Variants in EDC3 observed in about 807,000 individuals in gnomAD.
EDC3 encodes enhancer of mRNA-decapping protein 3.
EDC3 carries 20 observed loss-of-function variants against 41.8 expected under a neutral mutation model. The observed-to-expected ratio is 0.48, with a 90% CI of 0.34 to 0.70. EDC3 has a LOEUF of 0.70. Among genes scored for constraint, EDC3 ranks in the 30% least tolerant of loss-of-function variants. The pLI is 0.01. For synonymous variants in EDC3, 206 were observed against 243.2 expected (o/e 0.85, Z 1.42); for missense variants, 444 against 636.8 (o/e 0.70, Z 3.26).
chr15:74,633,490 CAT>C (rs2062237152), intron 6 of EDC3, among the ~76,000 whole-genome samples: 1 of 152,220 alleles, frequency 6.6e-6, no homozygotes, highest in Non-Finnish European at 1.5e-5. Context: ...CTCTCGTACT[CAT>C]TATCTCACAG....
At chr15:74,651,922 A>G (rs917056681) in intron 4 of EDC3, among the ~76,000 whole-genome samples, 4 of 152,248 alleles carry the variant, frequency 2.6e-5, no homozygotes, top group African/African-American at 9.6e-5. Flanking sequence ...TGCTCAGAAC[A>G]CTTACACTAG....
Position 74,640,548 on chromosome 15 carries a change from C to T in EDC3, c.892G>A (p.Gly298Arg). ...KKLLSVAEKH[G>R]LTLERRLEMT... ...TCCAGTCTCCGCTCAAGGGTCAGCC[C>T]ATGCTTCTCAGCCACGGACAACAGC... is the stretch of plus-strand genomic sequence containing the variant. The change falls in exon 5 of 7, where the codon GGG becomes AGG. Residue 298 changes from glycine to arginine, a missense_variant. Gly to Arg is a moderately radical substitution (Grantham distance 125). Around this residue, in one of 3 missense-constraint regions of EDC3, gnomAD observed 242 missense variants for 363.8 expected, o/e 0.67. Transcript: ENST00000315127. 1 of 1,614,218 alleles carries T rather than the reference C, an allele frequency of 6.2e-7. No individual in the cohort carries two copies. The highest frequency in any genetic ancestry group is 8.5e-7 in the Non-Finnish European group (1 of 1,180,032).
In EDC3 at chr15:74,671,260, A is replaced by C. The variant is rs1232561630; in HGVS notation, c.484+195T>G. On this transcript the variant is annotated intron_variant, in intron 3 of 6. Transcript: ENST00000315127. This position sits in a 1 kb window ranked among gnomAD's most constrained non-coding sequence, Gnocchi z 4.6. ...GGGCAGGAAGCTCACAGGCATCCCT[A>C]ACAGCTTATTTCCTTTCCCTTAACA... 6.6e-6 allele frequency among the ~76,000 whole-genome samples: 1 copy of C among 152,178 alleles called. No homozygotes were observed. Among genetic ancestry groups the C allele is most frequent in the Non-Finnish European group, 1.5e-5 (1 of 68,036 alleles).
At position 74,671,031 on chromosome 15, in the gene EDC3, T is replaced by G. The variant is rs183729571; in HGVS notation, c.484+424A>C. Among the ~76,000 whole-genome samples, 798 of 152,178 alleles carry G rather than the reference T, an allele frequency of 5.2e-3. 5 individuals are homozygous for G. The highest frequency in any genetic ancestry group is 0.018 in the African/African-American group (763 of 41,506). ...CAACATCAGTAACAGGATTTAAGTTTTTTTTTTTTTCTTTTTCAGAAACAG... is the reference window on the plus strand; with the variant it reads ...CAACATCAGTAACAGGATTTAAGTTGTTTTTTTTTTCTTTTTCAGAAACAG... On this transcript the variant is annotated intron_variant, in intron 3 of 6. Transcript: ENST00000315127. The surrounding 1 kb of genome is among the most constrained non-coding windows in gnomAD (Gnocchi z 4.6).
At position 74,635,780 on chromosome 15, in the gene EDC3, G is replaced by C. The variant is rs916377828; in HGVS notation, c.975-154C>G. On this transcript the variant is annotated intron_variant, in intron 5 of 6. Transcript: ENST00000315127. ...CCAGAGGGGGACAAAATCCACTGCAGGCCAGGTCTATAGGGTGGCACTCCT... is the reference window on the plus strand; with the variant it reads ...CCAGAGGGGGACAAAATCCACTGCACGCCAGGTCTATAGGGTGGCACTCCT... 9 of 691,356 alleles carry C rather than the reference G, an allele frequency of 1.3e-5. No homozygotes were observed. In the Admixed American group the frequency reaches 2.2e-4, roughly 17 times the overall value. The allele number at this position is 691,356 out of a possible 1,614,324, so 42.8% of individuals were successfully genotyped here.
intron 1 of EDC3, among the ~76,000 whole-genome samples, chr15:74,686,024 A>G (rs113250825): frequency 6.6e-6 from 1 of 151,310 alleles, no homozygotes; most frequent in Non-Finnish European, 1.5e-5. Flanking sequence ...GAAACCCCAT[A>G]TCTACTAAAA....
At chr15:74,672,474 C>T (rs1413881223) in intron 2 of EDC3, among the ~76,000 whole-genome samples, 5 of 152,108 alleles carry the variant, frequency 3.3e-5, no homozygotes, top group Non-Finnish European at 7.4e-5. Context: ...TACGTGCCCA[C>T]AGGAACTCAG....
intron 4 of EDC3, among the ~76,000 whole-genome samples, chr15:74,653,731 A>G (rs1055119862): frequency 1.3e-5 from 2 of 152,224 alleles, no homozygotes; most frequent in South Asian, 4.1e-4. Context: ...ATAATTTTAT[A>G]TGACAGAACT....
chr15:74,669,770 C>G (rs2062718632), intron 3 of EDC3, among the ~76,000 whole-genome samples: 1 of 151,964 alleles, frequency 6.6e-6, no homozygotes, highest in Non-Finnish European at 1.5e-5. Context: ...CTAAATTGTG[C>G]CTTTTAGAAG....
chr15:74,663,673 T>C (rs1219217243), intron 3 of EDC3, among the ~76,000 whole-genome samples: 3 of 98,826 alleles, frequency 3.0e-5, no homozygotes, highest in Non-Finnish European at 6.2e-5. Flanking sequence ...GAGTGCAGCA[T>C]AGAAAGAAAA....
At chr15:74,688,278 G>A (rs575567267) in intron 1 of EDC3, among the ~76,000 whole-genome samples, 46 of 152,268 alleles carry the variant, frequency 3.0e-4, no homozygotes, top group African/African-American at 9.6e-4. Context: ...ACACCTCCAC[G>A]TCAAAAGAAG....
intron 5 of EDC3, chr15:74,638,504 T>G (rs1163072287): frequency 6.6e-6 from 1 of 151,968 alleles, no homozygotes; most frequent in East Asian, 1.9e-4. Context: ...TGGCTAATTT[T>G]TATATTTTTA....
chr15:74,674,792 A>C (rs2062783133), intron 2 of EDC3, 169 bp downstream of exon 2: 2 of 727,080 alleles, frequency 2.8e-6, no homozygotes, highest in East Asian at 5.2e-5. Context: ...CAACGGGCAG[A>C]TTACTTGAGG....
chr15:74,647,784 G>A (rs2062433882), intron 4 of EDC3, among the ~76,000 whole-genome samples: 1 of 152,228 alleles, frequency 6.6e-6, no homozygotes, highest in Non-Finnish European at 1.5e-5. Flanking sequence ...AAGTCTGCCT[G>A]CTGGAGACAC....
chr15:74,639,645 G>A (rs778808628), intron 5 of EDC3: 7 of 151,918 alleles, frequency 4.6e-5, no homozygotes, highest in Non-Finnish European at 8.8e-5. Context: ...AGCTCAGGAG[G>A]TGGAAGTTGC....
intron 3 of EDC3, among the ~76,000 whole-genome samples, chr15:74,662,502 A>G (rs982736075): frequency 2.6e-5 from 4 of 152,002 alleles, no homozygotes; most frequent in Admixed American, 2.6e-4. Context: ...TTATAAAAAA[A>G]GGGCAACTTG....
intron 5 of EDC3, chr15:74,637,370 G>C (rs1265413609): frequency 6.6e-6 from 1 of 152,186 alleles, no homozygotes; most frequent in African/African-American, 2.4e-5. Flanking sequence ...AATGTTTCTG[G>C]GAAGCCACTT....
At chr15:74,659,235 G>C (rs1308906201) in intron 3 of EDC3, among the ~76,000 whole-genome samples, 2 of 151,980 alleles carry the variant, frequency 1.3e-5, no homozygotes, top group Non-Finnish European at 2.9e-5. Flanking sequence ...GGCCGAGGTG[G>C]GTGTATCACC....
intron 1 of EDC3, among the ~76,000 whole-genome samples, chr15:74,686,682 A>G (rs909186059): frequency 1.3e-5 from 2 of 152,160 alleles, no homozygotes; most frequent in African/African-American, 4.8e-5. Context: ...TAGGAGGCTG[A>G]GGTGGGAAAA....
Sources: allele counts gnomAD v4.1 joint callset (sites outside exome capture counted in the v4.1 genomes callset), GRCh38; gene constraint gnomAD v4.1.1; regional missense constraint gnomAD v4.1.1; non-coding constraint Gnocchi (gnomAD v3.1); transcripts MANE v1.5; gene names NCBI Gene and HGNC (gene_info 2026-07-23, HGNC 2026-07-21).